Variants in COBLL1 observed in about 807,000 individuals in gnomAD.
COBLL1 encodes cordon-bleu protein-like 1.
In COBLL1, 50 loss-of-function variants were observed where a neutral mutation model predicts 94.8. That is an observed-to-expected ratio of 0.53 (90% CI 0.42 to 0.67). The LOEUF (loss-of-function observed/expected upper bound fraction) is 0.67. Ranked by LOEUF, COBLL1 falls within the 30% of genes least tolerant of loss-of-function variation. The pLI is 0.00. For synonymous variants in COBLL1, 448 were observed against 473.8 expected (o/e 0.95, Z 0.71); for missense variants, 1,362 against 1,348.7 (o/e 1.01, Z -0.15).
chr2:164,827,983 G>A (rs1409805096), intron 2 of COBLL1, among the ~76,000 whole-genome samples: 2 of 152,148 alleles, frequency 1.3e-5, no homozygotes, highest in Admixed American at 6.6e-5. Context: ...AATCCTAAAT[G>A]AGAAGCTCAA....
chr2:164,720,710 T>C (rs1685401108), intron 7 of COBLL1, among the ~76,000 whole-genome samples: 1 of 152,196 alleles, frequency 6.6e-6, no homozygotes, highest in Non-Finnish European at 1.5e-5. Flanking sequence ...TTCTTGCTCA[T>C]GTCCAGGCAA....
At chr2:164,811,734 T>C (rs1171931593) in intron 2 of COBLL1, among the ~76,000 whole-genome samples, 3 of 151,908 alleles carry the variant, frequency 2.0e-5, no homozygotes, top group African/African-American at 7.2e-5. Context: ...GCCAAAAAAG[T>C]ATATTTAGGT....
At chr2:164,741,801 T>C (rs904000136) in intron 3 of COBLL1, among the ~76,000 whole-genome samples, 1 of 152,040 alleles carries the variant, frequency 6.6e-6, no homozygotes, top group Non-Finnish European at 1.5e-5. Context: ...TGATGCAGAA[T>C]CTATCAGGTA....
intron 2 of COBLL1, among the ~76,000 whole-genome samples, chr2:164,804,318 A>G (rs1247709650): frequency 6.6e-6 from 1 of 152,146 alleles, no homozygotes; most frequent in South Asian, 2.1e-4. Flanking sequence ...GTAAAAGAAA[A>G]AGAATTAACA....
intron 2 of COBLL1, among the ~76,000 whole-genome samples, chr2:164,803,727 G>A (rs1683944664): frequency 6.6e-6 from 1 of 151,898 alleles, no homozygotes; most frequent in Non-Finnish European, 1.5e-5. Context: ...CTAAAATATG[G>A]CTTTAATCAA....
intron 2 of COBLL1, among the ~76,000 whole-genome samples, chr2:164,658,041 C>T (rs900374694): frequency 4.9e-4 from 75 of 152,286 alleles, no homozygotes; most frequent in African/African-American, 1.7e-3. Context: ...GTCCCTCCCG[C>T]TGTGCTCTCA....
chr2:164,826,717 T>C (rs958286302), intron 2 of COBLL1, among the ~76,000 whole-genome samples: 2 of 152,186 alleles, frequency 1.3e-5, no homozygotes, highest in Non-Finnish European at 2.9e-5. Context: ...CCAGTTTTAT[T>C]TGAAACCAAA....
At chr2:164,693,137 G>T (rs1683706278) in intron 12 of COBLL1, among the ~76,000 whole-genome samples, 1 of 151,988 alleles carries the variant, frequency 6.6e-6, no homozygotes, top group African/African-American at 2.4e-5. Context: ...GAGCCAAACA[G>T]GGCTCAGGCA....
chr2:164,686,981 C>G lies in COBLL1; in HGVS notation c.3301-949G>C, dbSNP rs377416616. ...ATTTAGTTTGGACTTGGCTTCCTTGCGCTTCGCTTTTTGCCTTTTACTAAA... is the reference window on the plus strand; with the variant it reads ...ATTTAGTTTGGACTTGGCTTCCTTGGGCTTCGCTTTTTGCCTTTTACTAAA... On this transcript the variant is annotated intron_variant, in intron 13 of 13. Coordinates refer to ENST00000652658, the MANE Select transcript of COBLL1 (RefSeq NM_001365672.2). 1.5e-4 allele frequency among the ~76,000 whole-genome samples: 23 copies of G among 152,246 alleles called. No individual in the cohort carries two copies. The East Asian group carries it at 4.4e-3, about 29-fold the overall frequency.
At chr2:164,741,994 G>A (rs1226074045) in intron 3 of COBLL1, among the ~76,000 whole-genome samples, 3 of 152,058 alleles carry the variant, frequency 2.0e-5, no homozygotes, top group East Asian at 1.9e-4. Flanking sequence ...AAATGGAACC[G>A]TTTTAAAGTG....
intron 7 of COBLL1, 146 bp downstream of exon 7, chr2:164,721,929 T>C (rs1558952349): frequency 1.8e-6 from 1 of 547,860 alleles, no homozygotes; most frequent in Non-Finnish European, 3.2e-6. Flanking sequence ...CTATTCATCT[T>C]ATTACATATT....
chr2:164,709,267 T>C (rs1460828617), intron 7 of COBLL1, among the ~76,000 whole-genome samples: 1 of 152,146 alleles, frequency 6.6e-6, no homozygotes, highest in Non-Finnish European at 1.5e-5. Context: ...CTGGGGGAAA[T>C]GCATATTGAA....
At chr2:164,791,719 AG>A (rs980015480) in intron 2 of COBLL1, among the ~76,000 whole-genome samples, 47 of 152,254 alleles carry the variant, frequency 3.1e-4, no homozygotes, top group African/African-American at 1.1e-3. Flanking sequence ...ACTAAGCTTG[AG>A]GAGCAACTTC....
intron 13 of COBLL1, chr2:164,687,210 TTTC>T: frequency 4.5e-6 from 2 of 447,522 alleles, no homozygotes; most frequent in African/African-American, 2.0e-5. Flanking sequence ...AATGACTTTC[TTTC>T]TTTTTTTTTT....
intron 2 of COBLL1, among the ~76,000 whole-genome samples, chr2:164,753,174 G>C (rs1687211045): frequency 6.6e-6 from 1 of 152,142 alleles, no homozygotes; most frequent in African/African-American, 2.4e-5. Flanking sequence ...CCATTTCCAA[G>C]TGCTTTTCTC....
intron 2 of COBLL1, among the ~76,000 whole-genome samples, chr2:164,752,477 A>G (rs1687174896): frequency 6.9e-6 from 1 of 144,150 alleles, no homozygotes; most frequent in Non-Finnish European, 1.5e-5. Context: ...AGAAAAAAAT[A>G]TGTGGTTATT....
intron 2 of COBLL1, among the ~76,000 whole-genome samples, chr2:164,784,006 G>A (rs1688831410): frequency 6.6e-6 from 1 of 152,088 alleles, no homozygotes; most frequent in South Asian, 2.1e-4. Flanking sequence ...GATAAAAGTG[G>A]TATTTTCACA....
chr2:164,709,156 G>A (rs935520351), intron 7 of COBLL1, among the ~76,000 whole-genome samples: 2 of 152,042 alleles, frequency 1.3e-5, no homozygotes, highest in African/African-American at 4.8e-5. Context: ...GTAAAACAGA[G>A]TATTTATATT....
chr2:164,833,641 G>A (rs1225736681), intron 2 of COBLL1, among the ~76,000 whole-genome samples: 1 of 151,808 alleles, frequency 6.6e-6, no homozygotes, highest in Non-Finnish European at 1.5e-5. Context: ...TAGTAGAGAC[G>A]GGGTTTCACA....
Sources: gnomAD v4.1 joint callset for allele counts (sites outside exome capture counted in the v4.1 genomes callset) on GRCh38, gnomAD v4.1.1 for gene constraint, MANE v1.5 for transcripts, NCBI Gene and HGNC (gene_info 2026-07-23, HGNC 2026-07-21) for gene names.